PDE10A: variants seen among roughly 807,000 people sequenced by gnomAD.
PDE10A encodes the protein cAMP and cAMP-inhibited cGMP 3',5'-cyclic phosphodiesterase 10A.
A neutral mutation model predicts 97.7 loss-of-function variants in PDE10A; 39 were observed. That is an observed-to-expected ratio of 0.40 (90% CI 0.31 to 0.52). The LOEUF (loss-of-function observed/expected upper bound fraction) is 0.52. Ranked by LOEUF, PDE10A falls within the 20% of genes least tolerant of loss-of-function variation. The pLI is 0.56. For missense variants in PDE10A, 731 were observed against 1,047.8 expected (o/e 0.70, Z 4.17); for synonymous variants, 371 against 376.8 (o/e 0.98, Z 0.18).
At chr6:165,355,069 T>G (rs1030035863) in intron 18 of PDE10A, among the ~76,000 whole-genome samples, 1 of 152,214 alleles carries the variant, frequency 6.6e-6, no homozygotes, top group Non-Finnish European at 1.5e-5. Flanking sequence ...AAGATCTCAC[T>G]TGGTGAATTA....
intron 1 of PDE10A, among the ~76,000 whole-genome samples, chr6:165,635,318 C>G (rs1788821923): frequency 1.3e-5 from 2 of 152,188 alleles, no homozygotes. Context: ...AGGTTAATAT[C>G]TCCCAAAGGA....
At chr6:165,778,598 C>T (rs1778259417) in intron 1 of PDE10A, among the ~76,000 whole-genome samples, 1 of 152,180 alleles carries the variant, frequency 6.6e-6, no homozygotes. Context: ...CCCTGGGCTA[C>T]ACAAGTGTTT....
intron 19 of PDE10A, among the ~76,000 whole-genome samples, chr6:165,340,176 A>C: frequency 6.6e-6 from 1 of 152,208 alleles, no homozygotes; most frequent in East Asian, 1.9e-4. Context: ...TGCTGTTCCC[A>C]TTTTAAAGAT....
At chr6:165,918,403 T>C (rs1782665347) in intron 1 of PDE10A, among the ~76,000 whole-genome samples, 3 of 152,228 alleles carry the variant, frequency 2.0e-5, no homozygotes, top group Non-Finnish European at 2.9e-5. Context: ...GAACATACTG[T>C]AAACCACCAT....
intron 1 of PDE10A, among the ~76,000 whole-genome samples, chr6:165,735,793 C>T (rs868219964): frequency 2.0e-5 from 3 of 152,226 alleles, no homozygotes. Flanking sequence ...AACATGCAGA[C>T]TTATGTGGAA....
chr6:165,333,253 T>C, intron 21 of PDE10A, 126 bp from the exon 22 acceptor site: 1 of 654,112 alleles, frequency 1.5e-6, no homozygotes, highest in Non-Finnish European at 2.8e-6. Context: ...CCCTCCGACA[T>C]GGTTACCAGC....
intron 1 of PDE10A, among the ~76,000 whole-genome samples, chr6:165,869,136 A>C (rs2128478100): frequency 6.6e-6 from 1 of 152,298 alleles, no homozygotes; most frequent in South Asian, 2.1e-4. Flanking sequence ...AAGGCATTCA[A>C]ATTAGAAAAG....
chr6:165,917,655 A>G (rs1199561969), intron 1 of PDE10A, among the ~76,000 whole-genome samples: 1 of 152,234 alleles, frequency 6.6e-6, no homozygotes, highest in Non-Finnish European at 1.5e-5. Flanking sequence ...AGAAGAAAAA[A>G]AAAGGCAGCC....
intron 2 of PDE10A, among the ~76,000 whole-genome samples, chr6:165,522,081 G>A (rs1782161747): frequency 6.6e-6 from 1 of 151,966 alleles, no homozygotes; most frequent in Non-Finnish European, 1.5e-5. Context: ...TCTGTTCATG[G>A]ACACTTTTGC....
intron 18 of PDE10A, among the ~76,000 whole-genome samples, chr6:165,376,472 C>A (rs1784609937): frequency 6.6e-6 from 1 of 152,196 alleles, no homozygotes; most frequent in Admixed American, 6.6e-5. Flanking sequence ...AAAGCAGGGG[C>A]AGGGTCTGAG....
chr6:165,446,207 G>A lies in PDE10A; in HGVS notation c.1194+2721C>T, dbSNP rs547519805. Among the ~76,000 whole-genome samples, 173 of 152,140 alleles carry A rather than the reference G, an allele frequency of 1.1e-3. 3 individuals carry two copies. Among genetic ancestry groups the A allele is most frequent in the South Asian group, 6.8e-3 (33 of 4,822 alleles). ...CTACCAAAGATATATTCCAAGGAGC[G>A]GGTGAAATGAAGACAAATTCACACA... On this transcript the variant is annotated intron_variant, in intron 5 of 21. Transcript: ENST00000539869.
rs189414535 is a variant in PDE10A, at chr6:165,490,903, C to T, written c.995-8560G>A. On this transcript the variant is annotated intron_variant, in intron 2 of 21. Coordinates refer to ENST00000539869, the MANE Select transcript of PDE10A (RefSeq NM_001385079.1). The stretch of plus-strand genomic sequence containing the variant: ...CTGGGAAGTAGAGGCCGCAGTGAGC[C>T]AAGATCACACCACTGAACTCCAGCC... Among the ~76,000 whole-genome samples the T allele has an allele frequency of 7.4e-4, 113 of 152,218 alleles. 1 individual carries two copies. In the East Asian group the frequency reaches 0.021, roughly 28 times the overall value.
intron 1 of PDE10A, among the ~76,000 whole-genome samples, chr6:165,757,762 G>A (rs9356387): frequency 0.17 from 26,524 of 151,964 alleles, 2,661 homozygotes; most frequent in East Asian, 0.36. Context: ...TGTCTAGTAG[G>A]GCAATTTTCA....
chr6:165,371,236 G>C (rs751263640), intron 18 of PDE10A, among the ~76,000 whole-genome samples: 73 of 151,638 alleles, frequency 4.8e-4, no homozygotes, highest in Non-Finnish European at 6.6e-4. Context: ...AATCAGAGCA[G>C]AACTGAAGGA....
At chr6:165,443,609 G>A (rs1253012692) in intron 5 of PDE10A, among the ~76,000 whole-genome samples, 1 of 152,216 alleles carries the variant, frequency 6.6e-6, no homozygotes, top group Non-Finnish European at 1.5e-5. Context: ...CTCTGTGTGG[G>A]GGACCAAATC....
At chr6:165,636,830 C>G (rs1372477267) in intron 1 of PDE10A, among the ~76,000 whole-genome samples, 1 of 152,126 alleles carries the variant, frequency 6.6e-6, no homozygotes, top group Non-Finnish European at 1.5e-5. Flanking sequence ...CTGCCTAGGT[C>G]CAGCCACCCC....
intron 1 of PDE10A, among the ~76,000 whole-genome samples, chr6:165,651,944 T>C (rs1789707337): frequency 6.6e-6 from 1 of 152,192 alleles, no homozygotes; most frequent in South Asian, 2.1e-4. Flanking sequence ...TATCATCCTT[T>C]AGATTCTGCC....
chr6:165,598,514 C>T (rs993152830), intron 1 of PDE10A, among the ~76,000 whole-genome samples: 2 of 152,132 alleles, frequency 1.3e-5, no homozygotes, highest in African/African-American at 4.8e-5. Flanking sequence ...AATCAGGGTA[C>T]AAATGGTGTG....
intron 1 of PDE10A, among the ~76,000 whole-genome samples, chr6:165,961,634 C>G (rs1177006116): frequency 6.6e-6 from 1 of 152,212 alleles, no homozygotes. Context: ...ATCACAGTGA[C>G]AGGTCACCTG....
Sources: allele counts gnomAD v4.1 joint callset (sites outside exome capture counted in the v4.1 genomes callset), GRCh38; gene constraint gnomAD v4.1.1; transcripts MANE v1.5; gene names NCBI Gene and HGNC (gene_info 2026-07-23, HGNC 2026-07-21).